DNAH12: variants seen among roughly 807,000 people sequenced by gnomAD.
DNAH12 encodes the protein axonemal beta dynein heavy chain 12.
Under a neutral mutation model 371.5 loss-of-function variants are expected in DNAH12, and 285 were observed. That is an observed-to-expected ratio of 0.77 (90% CI 0.70 to 0.85). DNAH12 has a LOEUF of 0.85. Ranked by LOEUF, DNAH12 falls within the 40% of genes least tolerant of loss-of-function variation. The pLI is 0.00. For synonymous variants in DNAH12, 1,200 were observed against 1,213.0 expected (o/e 0.99, Z 0.22); for missense variants, 3,611 against 3,689.4 (o/e 0.98, Z 0.55).
chr3:57,305,499 C>T (rs1337559414), intron 69 of DNAH12, among the ~76,000 whole-genome samples: 14 of 152,106 alleles, frequency 9.2e-5, no homozygotes, highest in Admixed American at 5.2e-4. Flanking sequence ...CAGCAATTTA[C>T]TCTTAAAAAG....
intron 12 of DNAH12, among the ~76,000 whole-genome samples, chr3:57,487,287 G>A (rs2066951169): frequency 1.3e-5 from 1 of 76,734 alleles, no homozygotes; most frequent in Admixed American, 1.5e-4. Context: ...AAAGAAGGAA[G>A]AAAGGAAGGA....
intron 39 of DNAH12, among the ~76,000 whole-genome samples, chr3:57,411,527 A>C (rs1281876052): frequency 4.2e-5 from 3 of 71,476 alleles, no homozygotes. Context: ...ACACTGTCTC[A>C]AAAAAAAAAA....
At chr3:57,421,900 G>GTTTTTT (rs1383551758) in intron 35 of DNAH12, among the ~76,000 whole-genome samples, 194 bp from the exon 36 acceptor site, 2 of 97,718 alleles carry the variant, frequency 2.0e-5, no homozygotes, top group African/African-American at 6.1e-5. Context: ...ATGTTTGCAT[G>GTTTTTT]TCTTTTTTTT....
At chr3:57,503,302 G>A (rs916440021) in intron 9 of DNAH12, among the ~76,000 whole-genome samples, 1 of 151,832 alleles carries the variant, frequency 6.6e-6, no homozygotes, top group Non-Finnish European at 1.5e-5. Flanking sequence ...CTTAAGTTGG[G>A]TTAGTTTTCT....
intron 73 of DNAH12, 35 bp downstream of exon 73, chr3:57,295,490 A>G (rs1395164641): frequency 6.5e-7 from 1 of 1,534,304 alleles, no homozygotes; most frequent in Non-Finnish European, 8.8e-7. Flanking sequence ...TATTCTCCCT[A>G]AACTTCAAAT....
intron 4 of DNAH12, among the ~76,000 whole-genome samples, chr3:57,516,114 A>C (rs1203529020): frequency 8.7e-6 from 1 of 115,094 alleles, no homozygotes. Context: ...CCCAGGCTGG[A>C]GTGCAATGGC....
At chr3:57,475,910 C>A (rs1007504243) in intron 13 of DNAH12, among the ~76,000 whole-genome samples, 15 of 152,074 alleles carry the variant, frequency 9.9e-5, no homozygotes, top group Non-Finnish European at 1.8e-4. Context: ...TCTTATAACA[C>A]CTGGAAGAAA....
At chr3:57,466,870 C>A (rs1201219719) in intron 17 of DNAH12, among the ~76,000 whole-genome samples, 2 of 152,020 alleles carry the variant, frequency 1.3e-5, no homozygotes, top group African/African-American at 4.8e-5. Context: ...CTCAGCCTCC[C>A]GAGTAGCTGG....
At chr3:57,486,181 C>CAA (rs11338004) in intron 12 of DNAH12, among the ~76,000 whole-genome samples, 1,481 of 121,334 alleles carry the variant, frequency 0.012, 18 homozygotes, top group African/African-American at 0.041. Flanking sequence ...GACTCCATCT[C>CAA]AAAAAAAAAA....
At chr3:57,371,941 CAAAAAAA>C (rs1169602185) in intron 55 of DNAH12, among the ~76,000 whole-genome samples, 27 of 25,866 alleles carry the variant, frequency 1.0e-3, no homozygotes, top group South Asian at 8.0e-3. Flanking sequence ...CTAAACTCAG[CAAAAAAA>C]AAAAAAAAAA....
At position 57,403,442 on chromosome 3, in the gene DNAH12, G is replaced by T; in HGVS notation, c.6815C>A (p.Ala2272Asp). ...ACTTCCTCCAAGACCAACAAGCAAA[G>T]CATTTCCACCAGATTGCTTTAGAAC... ...CRVLKQSGGN[A>D]LLVGLGGSGR... The change falls in exon 43 of 74, where the codon GCT becomes GAT. Residue 2272 changes from alanine (A) to aspartate (D), a missense_variant. Physicochemically the swap from Ala to Asp is moderately radical, Grantham distance 126 (BLOSUM62 -2). Coordinates refer to ENST00000495027, the MANE Select transcript of DNAH12 (RefSeq NM_001366028.2). 6.4e-7 allele frequency: 1 copy of T among 1,551,230 alleles called. No homozygotes were observed. The highest frequency in any genetic ancestry group is 8.7e-7 in the Non-Finnish European group (1 of 1,146,764).
At position 57,437,024 on chromosome 3, in the gene DNAH12, G is replaced by A; in HGVS notation, c.4582C>T (p.His1528Tyr). 1 of 1,512,904 alleles carries A rather than the reference G, an allele frequency of 6.6e-7. No homozygotes were observed. The highest frequency in any genetic ancestry group is 8.8e-7 in the Non-Finnish European group (1 of 1,136,964). The allele number at this position is 1,512,904 out of a possible 1,614,324, so 93.7% of individuals were successfully genotyped here. A position where few individuals can be genotyped will look rare whatever the true frequency, so the allele number is the denominator to read the frequency against. ...LECAHEACNVHNLQPVKFFLE... is the reference protein window; with the variant it reads ...LECAHEACNVYNLQPVKFFLE... ...AAAAATTTAACAGGCTGAAGATTAT[G>A]TACATTGCAGGCTTCATGAGCACAT... Residue 1528 changes from histidine (H) to tyrosine (Y), a missense_variant, in exon 30 of 74, where the codon CAT becomes TAT. By Grantham distance (83) the His-to-Tyr change is moderately conservative (BLOSUM62 2). Transcript: ENST00000495027.
At chr3:57,406,246 G>A (rs2064021837) in intron 40 of DNAH12, among the ~76,000 whole-genome samples, 1 of 151,556 alleles carries the variant, frequency 6.6e-6, no homozygotes, top group Non-Finnish European at 1.5e-5. Flanking sequence ...AGCTACGCAG[G>A]AGGCTGAGGC....
Position 57,421,710 on chromosome 3 carries a change from T to C in DNAH12, c.5374-4A>G. On this transcript the variant is annotated splice_region_variant and splice_polypyrimidine_tract_variant and intron_variant, in intron 35 of 73. Coordinates refer to ENST00000495027, the MANE Select transcript of DNAH12 (RefSeq NM_001366028.2). ...TCAAAGAGAATATAAAGCAAGCCTGTTGGTGGAGAAAAAATTTAACTTATA... is the reference window on the plus strand; with the variant it reads ...TCAAAGAGAATATAAAGCAAGCCTGCTGGTGGAGAAAAAATTTAACTTATA... 2 of 1,551,430 alleles carry C rather than the reference T, an allele frequency of 1.3e-6. No individual in the cohort carries two copies. The highest frequency in any genetic ancestry group is 1.7e-6 in the Non-Finnish European group (2 of 1,146,928).
Position 57,428,749 on chromosome 3 carries a change from A to T in DNAH12, c.5137T>A (p.Ser1713Thr). 2.6e-6 allele frequency: 4 copies of T among 1,551,566 alleles called. No homozygotes were observed. Among genetic ancestry groups the T allele is most frequent in the Non-Finnish European group, 3.5e-6 (4 of 1,146,938 alleles). The part of the protein sequence containing the change: ...SQLGWEPLVS[S>T]WLNSLKGPLC... ...GGTCCTTTCAGTGAATTCAACCAAG[A>T]AGACACAAGTGGTTCCCATCCTAAC... is the stretch of plus-strand genomic sequence containing the variant. Residue 1713 changes from serine to threonine, a missense_variant, in exon 34 of 74, where the codon TCT (serine) becomes ACT (threonine). This residue lies in a region of DNAH12 where 2,266 missense variants were observed against 2,236.9 expected (regional missense o/e 1.01). Transcript: ENST00000495027.
At chr3:57,366,488 G>T (rs894201119) in intron 57 of DNAH12, among the ~76,000 whole-genome samples, 111 of 152,174 alleles carry the variant, frequency 7.3e-4, no homozygotes, top group African/African-American at 2.5e-3. Context: ...TCTGGATCGG[G>T]ATCCCTTTCC....
At chr3:57,434,032 C>T (rs2065042160) in intron 30 of DNAH12, among the ~76,000 whole-genome samples, 1 of 151,918 alleles carries the variant, frequency 6.6e-6, no homozygotes, top group South Asian at 2.1e-4. Context: ...TTATTTTCTC[C>T]AAAAGGGAAT....
At chr3:57,433,002 G>A (rs954262712) in intron 32 of DNAH12, among the ~76,000 whole-genome samples, 2 of 151,752 alleles carry the variant, frequency 1.3e-5, no homozygotes, top group Admixed American at 6.6e-5. Context: ...GTATATAAAC[G>A]CTGAAGCATT....
At chr3:57,406,321 C>T (rs149900277) in intron 40 of DNAH12, among the ~76,000 whole-genome samples, 1,723 of 146,554 alleles carry the variant, frequency 0.012, 33 homozygotes, top group African/African-American at 0.041. Flanking sequence ...CACGCCATTG[C>T]ACTCCAGCCT....
Sources: gnomAD v4.1 joint callset for allele counts (sites outside exome capture counted in the v4.1 genomes callset) on GRCh38, gnomAD v4.1.1 for gene constraint, gnomAD v4.1.1 regional missense constraint, MANE v1.5 for transcripts, NCBI Gene and HGNC (gene_info 2026-07-23, HGNC 2026-07-21) for gene names.